Variants in DISC1 observed in about 807,000 individuals in gnomAD.
DISC1 encodes DISC1 scaffold protein, also known as disrupted in schizophrenia 1 protein.
DISC1 carries 57 observed loss-of-function variants against 84.5 expected under a neutral mutation model. The observed-to-expected ratio is 0.67, with a 90% CI of 0.55 to 0.84. The LOEUF (loss-of-function observed/expected upper bound fraction) is 0.84. Ranked by LOEUF, DISC1 falls within the 40% of genes least tolerant of loss-of-function variation. The pLI, the probability that DISC1 is intolerant of heterozygous loss-of-function variation, is 0.00. For synonymous variants in DISC1, 411 were observed against 415.2 expected (o/e 0.99, Z 0.12); for missense variants, 1,000 against 1,057.8 (o/e 0.95, Z 0.76).
intron 3 of DISC1, among the ~76,000 whole-genome samples, chr1:231,747,364 T>C (rs992937916): frequency 1.9e-4 from 29 of 152,216 alleles, no homozygotes; most frequent in African/African-American, 6.5e-4. Context: ...TCCTCTGTTT[T>C]CTTCTCATAA....
chr1:231,949,690 A>G (rs930010312), intron 9 of DISC1, among the ~76,000 whole-genome samples: 1 of 152,176 alleles, frequency 6.6e-6, no homozygotes, highest in Non-Finnish European at 1.5e-5. Context: ...TCTTCCTGCT[A>G]GTGTCCCAGC....
intron 10 of DISC1, among the ~76,000 whole-genome samples, chr1:231,966,129 T>C (rs1352985783): frequency 6.6e-6 from 1 of 152,232 alleles, no homozygotes; most frequent in Non-Finnish European, 1.5e-5. Flanking sequence ...TGGAAATTTA[T>C]TTGCAACTTG....
At chr1:231,859,889 G>C (rs1240522660) in intron 9 of DISC1, among the ~76,000 whole-genome samples, 2 of 152,070 alleles carry the variant, frequency 1.3e-5, no homozygotes, top group African/African-American at 2.4e-5. Context: ...CTTTTCGTTG[G>C]GGCTCCTCTT....
intron 9 of DISC1, among the ~76,000 whole-genome samples, chr1:231,830,399 G>A (rs1298408892): frequency 6.6e-6 from 1 of 152,182 alleles, no homozygotes; most frequent in Admixed American, 6.5e-5. Context: ...AGGTATTAAA[G>A]GTCTAAGAAT....
chr1:231,701,328 T>G (rs1399313145), intron 2 of DISC1, among the ~76,000 whole-genome samples: 1 of 152,130 alleles, frequency 6.6e-6, no homozygotes, highest in Admixed American at 6.5e-5. Flanking sequence ...AAGATGAGAT[T>G]TGGGTGGGGA....
Position 232,036,858 on chromosome 1 carries a change from G to T in DISC1, c.*27G>T. ...GAGTGACGGGATGGGGGAGGGAGGT[G>T]GGCCACCATGTTTGGACCCGGGGGG... On this transcript the variant is annotated 3_prime_UTR_variant, in exon 13 of 13. Coordinates refer to ENST00000439617, the MANE Select transcript of DISC1 (RefSeq NM_018662.3). The T allele has an allele frequency of 1.3e-6, 2 of 1,513,186 alleles. No homozygotes were observed. The highest frequency in any genetic ancestry group is 2.6e-5 in the South Asian group (2 of 76,888). The allele number at this position is 1,513,186 out of a possible 1,614,324, so 93.7% of individuals were successfully genotyped here.
At chr1:231,674,441 G>A (rs1423806218) in intron 1 of DISC1, among the ~76,000 whole-genome samples, 5 of 152,178 alleles carry the variant, frequency 3.3e-5, no homozygotes, top group Non-Finnish European at 5.9e-5. Flanking sequence ...GTAGAAAGTA[G>A]CATTAGTAAA....
chr1:231,998,868 G>A (rs749362096), intron 10 of DISC1, among the ~76,000 whole-genome samples: 1 of 152,102 alleles, frequency 6.6e-6, no homozygotes, highest in Non-Finnish European at 1.5e-5. Context: ...CTAAAATATA[G>A]CCTCAAAATA....
At chr1:231,792,234 C>T (rs2078406020) in intron 6 of DISC1, among the ~76,000 whole-genome samples, 1 of 152,214 alleles carries the variant, frequency 6.6e-6, no homozygotes, top group Non-Finnish European at 1.5e-5. Context: ...TAATTATCTG[C>T]ATCACTGCCC....
rs557361184 is a variant in DISC1, at chr1:231,781,813, C to G, written c.1634+10743C>G. 3.3e-5 allele frequency among the ~76,000 whole-genome samples: 5 copies of G among 152,320 alleles called. No homozygotes were observed. The East Asian group carries it at 9.6e-4, about 29-fold the overall frequency. On this transcript the variant is annotated intron_variant, in intron 6 of 12. Coordinates refer to ENST00000439617, the MANE Select transcript of DISC1 (RefSeq NM_018662.3). Reference sequence around the variant, plus strand: ...CTCTTCTTCAGACCTTGAGCTGAAACTCTGGGAGAAGAGCAGAAGTTTTGG... The same window carrying G: ...CTCTTCTTCAGACCTTGAGCTGAAAGTCTGGGAGAAGAGCAGAAGTTTTGG...
intron 11 of DISC1, among the ~76,000 whole-genome samples, chr1:232,012,867 C>T (rs745457994): frequency 7.2e-5 from 11 of 152,178 alleles, no homozygotes; most frequent in African/African-American, 9.7e-5. Flanking sequence ...GACTTTGTTA[C>T]AGAGGAAGTC....
intron 8 of DISC1, among the ~76,000 whole-genome samples, chr1:231,803,676 C>T (rs1255124790): frequency 6.6e-6 from 1 of 152,016 alleles, no homozygotes. Flanking sequence ...ATGCCAGGCG[C>T]GGTGGCTCAC....
At chr1:231,759,996 A>G (rs535045269) in intron 4 of DISC1, among the ~76,000 whole-genome samples, 4 of 152,294 alleles carry the variant, frequency 2.6e-5, no homozygotes, top group Admixed American at 6.5e-5. Flanking sequence ...TTCAAACTCA[A>G]CTGAAGTCTG....
chr1:231,650,992 T>A (rs1311895708), intron 1 of DISC1, among the ~76,000 whole-genome samples: 1 of 152,220 alleles, frequency 6.6e-6, no homozygotes, highest in Non-Finnish European at 1.5e-5. Flanking sequence ...TTTAGCTTCC[T>A]AGCAATGGGT....
chr1:232,017,636 C>T (rs954350587), intron 11 of DISC1, among the ~76,000 whole-genome samples: 4 of 152,064 alleles, frequency 2.6e-5, no homozygotes, highest in Non-Finnish European at 5.9e-5. Context: ...AGTTGAGTCA[C>T]GGCAAAGAGT....
chr1:231,886,665 A>G (rs1558691588), intron 9 of DISC1, among the ~76,000 whole-genome samples: 1 of 152,166 alleles, frequency 6.6e-6, no homozygotes, highest in Non-Finnish European at 1.5e-5. Flanking sequence ...GCTCAACTCC[A>G]AAAGCCAATA....
chr1:231,971,399 G>A (rs965842083), intron 10 of DISC1, among the ~76,000 whole-genome samples: 3 of 152,200 alleles, frequency 2.0e-5, no homozygotes, highest in African/African-American at 7.2e-5. Flanking sequence ...TTTCTCAGAT[G>A]CTCAGTTCTA....
rs112774691 is a variant in DISC1, at chr1:231,704,098, C to T, written c.1117+2074C>T. Among the ~76,000 whole-genome samples the T allele has an allele frequency of 4.2e-3, 637 of 152,286 alleles. 4 individuals are homozygous for T. Among genetic ancestry groups the T allele is most frequent in the African/African-American group, 0.014 (582 of 41,540 alleles). ...TGTCTTCTTCCCAATCCCACAGACC[C>T]GATTCAGTGTGTTGAGAGGTAAATG... On this transcript the variant is annotated intron_variant, in intron 3 of 12. Coordinates refer to ENST00000439617, the MANE Select transcript of DISC1 (RefSeq NM_018662.3).
chr1:231,964,236 G>GAATA (rs1175193962), intron 10 of DISC1, among the ~76,000 whole-genome samples: 1 of 152,120 alleles, frequency 6.6e-6, no homozygotes, highest in East Asian at 1.9e-4. Context: ...ATGAATGATT[G>GAATA]AATAAATATG....
Sources: gnomAD v4.1 joint callset for allele counts (sites outside exome capture counted in the v4.1 genomes callset) on GRCh38, gnomAD v4.1.1 for gene constraint, MANE v1.5 for transcripts, NCBI Gene and HGNC (gene_info 2026-07-23, HGNC 2026-07-21) for gene names.